Variants in ZBTB16 observed in about 807,000 individuals in gnomAD.
ZBTB16 encodes the protein zinc finger and BTB domain containing 16.
A neutral mutation model predicts 56.8 loss-of-function variants in ZBTB16; 8 were observed. That is an observed-to-expected ratio of 0.14 (90% confidence interval 0.08 to 0.25). ZBTB16 has a LOEUF of 0.25. Among genes scored for constraint, ZBTB16 ranks in the 10% least tolerant of loss-of-function variants. ZBTB16 has a pLI of 1.00. For missense variants in ZBTB16, 625 were observed against 903.0 expected (o/e 0.69, Z 3.95); for synonymous variants, 363 against 368.5 (o/e 0.98, Z 0.17).
At chr11:114,146,676 G>A (rs1030057228) in intron 2 of ZBTB16, among the ~76,000 whole-genome samples, 2 of 151,612 alleles carry the variant, frequency 1.3e-5, no homozygotes, top group Non-Finnish European at 2.9e-5. Flanking sequence ...TGAAACCCCC[G>A]CTCTACTAAA....
chr11:114,243,845 G>A (rs1591811617), intron 5 of ZBTB16, among the ~76,000 whole-genome samples: 2 of 152,188 alleles, frequency 1.3e-5, no homozygotes, highest in Admixed American at 6.5e-5. Flanking sequence ...CCCAGGATGT[G>A]CCCTGCTCTG....
chr11:114,193,776 A>G (rs941573172), intron 4 of ZBTB16, among the ~76,000 whole-genome samples: 5 of 152,152 alleles, frequency 3.3e-5, no homozygotes, highest in Non-Finnish European at 5.9e-5. Flanking sequence ...AGAGCTCTGA[A>G]AAAGAGAAGG....
At chr11:114,117,256 T>A (rs947395013) in intron 2 of ZBTB16, among the ~76,000 whole-genome samples, 1 of 152,098 alleles carries the variant, frequency 6.6e-6, no homozygotes, top group Non-Finnish European at 1.5e-5. Flanking sequence ...GAGCCTATCA[T>A]GAAGTCTTGC....
intron 2 of ZBTB16, among the ~76,000 whole-genome samples, chr11:114,142,290 C>A (rs1334147506): frequency 6.6e-6 from 1 of 152,210 alleles, no homozygotes; most frequent in South Asian, 2.1e-4. Flanking sequence ...TTCCCACCCC[C>A]TTCCCCAGTA....
chr11:114,076,962 T>G (rs867625322), intron 2 of ZBTB16, among the ~76,000 whole-genome samples: 32 of 152,248 alleles, frequency 2.1e-4, no homozygotes, highest in Admixed American at 3.3e-4. Context: ...AGCAGCCAGA[T>G]TCAACGGCTG....
intron 2 of ZBTB16, among the ~76,000 whole-genome samples, chr11:114,074,167 T>C (rs1343858100): frequency 6.6e-6 from 1 of 152,182 alleles, no homozygotes; most frequent in African/African-American, 2.4e-5. Context: ...ACTTCCTGCT[T>C]CTCTCATGAC....
At chr11:114,111,336 C>T (rs919631439) in intron 2 of ZBTB16, among the ~76,000 whole-genome samples, 2 of 152,152 alleles carry the variant, frequency 1.3e-5, no homozygotes, top group African/African-American at 2.4e-5. Flanking sequence ...TTAAAGCCAA[C>T]CTATATAATT....
At chr11:114,091,868 G>C (rs1940205773) in intron 2 of ZBTB16, among the ~76,000 whole-genome samples, 1 of 152,090 alleles carries the variant, frequency 6.6e-6, no homozygotes, top group Admixed American at 6.6e-5. Context: ...GGTATTCTGG[G>C]ATGATTTTCC....
intron 4 of ZBTB16, among the ~76,000 whole-genome samples, chr11:114,216,480 AG>A (rs1591790380): frequency 6.6e-6 from 1 of 152,184 alleles, no homozygotes; most frequent in African/African-American, 2.4e-5. Context: ...TGACAAGGAC[AG>A]GGGGAGGGGC....
At chr11:114,167,149 A>G in intron 3 of ZBTB16, among the ~76,000 whole-genome samples, 1 of 151,068 alleles carries the variant, frequency 6.6e-6, no homozygotes, top group East Asian at 1.9e-4. Context: ...ACTCATAATA[A>G]CTTCATTTAA....
intron 2 of ZBTB16, among the ~76,000 whole-genome samples, chr11:114,110,547 C>T (rs1467648611): frequency 1.3e-5 from 2 of 152,094 alleles, no homozygotes; most frequent in African/African-American, 4.8e-5. Flanking sequence ...AGTGAGACCT[C>T]GGGAATAGGA....
In ZBTB16 at chr11:114,095,245, C is replaced by CTTTTCTTTTCTTT. The variant is rs1555132749; in HGVS notation, c.1268+30681_1268+30682insCTTTTCTTTTTTT. 1.6e-3 allele frequency among the ~76,000 whole-genome samples: 142 copies of CTTTTCTTTTCTTT among 90,454 alleles called. 12 individuals carry two copies. Among genetic ancestry groups the CTTTTCTTTTCTTT allele is most frequent in the African/African-American group, 8.2e-3 (132 of 16,134 alleles). 59.3% of individuals were successfully genotyped at this position (90,454 alleles called of 152,430 possible). On this transcript the variant is annotated intron_variant, in intron 2 of 6. Transcript: ENST00000335953. ...TAACCAATTTCTTTTCTTTTCTTTT[C>CTTTTCTTTTCTTT]TTTTTTTTTTTTTTTTTTTTTTTTT...
chr11:114,222,127 T>C (rs1236780417), intron 4 of ZBTB16, among the ~76,000 whole-genome samples: 1 of 152,166 alleles, frequency 6.6e-6, no homozygotes, highest in Non-Finnish European at 1.5e-5. Flanking sequence ...TGCTGATCCT[T>C]GAGGCACTGA....
intron 2 of ZBTB16, among the ~76,000 whole-genome samples, chr11:114,154,703 G>C (rs559154842): frequency 6.6e-6 from 1 of 152,294 alleles, no homozygotes; most frequent in Admixed American, 6.5e-5. Flanking sequence ...ACATGGGGGG[G>C]TGGTACCCCT....
At chr11:114,197,023 G>A (rs769253973) in intron 4 of ZBTB16, among the ~76,000 whole-genome samples, 6 of 151,998 alleles carry the variant, frequency 3.9e-5, no homozygotes, top group Admixed American at 2.6e-4. Flanking sequence ...TCTCATGTGC[G>A]GATCAATGGA....
chr11:114,165,957 A>G (rs1007551756), intron 3 of ZBTB16, among the ~76,000 whole-genome samples: 2 of 152,090 alleles, frequency 1.3e-5, no homozygotes, highest in African/African-American at 2.4e-5. Flanking sequence ...GGTATTTCAC[A>G]TGCTCTTCTC....
chr11:114,115,621 G>A (rs569233923), intron 2 of ZBTB16, among the ~76,000 whole-genome samples: 37 of 152,166 alleles, frequency 2.4e-4, no homozygotes, highest in African/African-American at 8.4e-4. Context: ...TTTCCTTCCC[G>A]TCTTTCTGAA....
intron 2 of ZBTB16, among the ~76,000 whole-genome samples, chr11:114,125,838 G>A (rs1164488203): frequency 2.0e-5 from 3 of 152,146 alleles, no homozygotes; most frequent in Non-Finnish European, 1.5e-5. Flanking sequence ...CCCCCATAAA[G>A]GAAGTTCACT....
intron 2 of ZBTB16, among the ~76,000 whole-genome samples, chr11:114,150,354 T>G (rs1274467160): frequency 6.6e-6 from 1 of 152,136 alleles, no homozygotes; most frequent in South Asian, 2.1e-4. Flanking sequence ...GGAGAGCTAG[T>G]CTGGGCGTGG....
Sources: gnomAD v4.1 joint callset for allele counts (sites outside exome capture counted in the v4.1 genomes callset) on GRCh38, gnomAD v4.1.1 for gene constraint, MANE v1.5 for transcripts, NCBI Gene and HGNC (gene_info 2026-07-23, HGNC 2026-07-21) for gene names.